PKD2: variants seen among roughly 807,000 people sequenced by gnomAD.
PKD2 encodes polycystin 2, transient receptor potential cation channel, also known as polycystin-2.
In PKD2, 48 loss-of-function variants were observed where a neutral mutation model predicts 105.9. That is an observed-to-expected ratio of 0.45 (90% CI 0.36 to 0.58). PKD2 has a LOEUF of 0.58. Ranked by LOEUF, PKD2 falls within the 20% of genes least tolerant of loss-of-function variation. The pLI is 0.00. For synonymous variants in PKD2, 464 were observed against 481.1 expected, an observed-to-expected ratio of 0.96 and a Z score of 0.46; for missense variants, 1,078 against 1,255.3, an observed-to-expected ratio of 0.86 and a Z score of 2.13.
At position 88,007,703 on chromosome 4, in the gene PKD2, C is replaced by T; in HGVS notation, c.-31C>T. 2.6e-6 allele frequency: 3 copies of T among 1,165,390 alleles called. No homozygotes were observed. The highest frequency in any genetic ancestry group is 3.2e-6 in the Non-Finnish European group (3 of 938,502). The allele number at this position is 1,165,390 out of a possible 1,614,324, so 72.2% of individuals were successfully genotyped here. On this transcript the variant is annotated 5_prime_UTR_variant, in exon 1 of 15. Coordinates refer to ENST00000237596, the MANE Select transcript of PKD2 (RefSeq NM_000297.4). ...GCGCACAGCGCCGAGCGCGGCGCCG[C>T]GCACCCGCGCGCCGGACGCCAGTGA...
chr4:88,008,769 C>T (rs76339981), intron 1 of PKD2, among the ~76,000 whole-genome samples: 1,548 of 152,180 alleles, frequency 0.01, 30 homozygotes, highest in African/African-American at 0.035. Flanking sequence ...CTTGCCTGGA[C>T]ACTCCATTGT....
At chr4:88,018,045 A>T (rs1485607894) in intron 1 of PKD2, among the ~76,000 whole-genome samples, 1 of 152,214 alleles carries the variant, frequency 6.6e-6, no homozygotes. Context: ...ATTTGTAATA[A>T]TTCTTTAATA....
At chr4:88,037,681 C>G (rs1727386603) in intron 3 of PKD2, among the ~76,000 whole-genome samples, 1 of 152,184 alleles carries the variant, frequency 6.6e-6, no homozygotes, top group Admixed American at 6.5e-5. Context: ...ATAGATCTGT[C>G]TTCCCTACAG....
chr4:88,056,388 A>T, intron 8 of PKD2, 121 bp downstream of exon 8: 1 of 664,794 alleles, frequency 1.5e-6, no homozygotes, highest in Non-Finnish European at 2.6e-6. Flanking sequence ...TATTTTAAGT[A>T]AGAATTAATT....
chr4:88,051,319 A>G (rs1478226412), intron 6 of PKD2, among the ~76,000 whole-genome samples: 1 of 152,098 alleles, frequency 6.6e-6, no homozygotes, highest in Non-Finnish European at 1.5e-5. Context: ...ACTCATTTTT[A>G]GGATATCTTT....
At chr4:88,041,206 A>G (rs755911536) in intron 4 of PKD2, among the ~76,000 whole-genome samples, 1 of 152,152 alleles carries the variant, frequency 6.6e-6, no homozygotes, top group Non-Finnish European at 1.5e-5. Context: ...TTTTTGAGCC[A>G]TGTTTCCTCC....
intron 1 of PKD2, among the ~76,000 whole-genome samples, chr4:88,015,240 A>G (rs571223556): frequency 6.6e-6 from 1 of 152,360 alleles, no homozygotes; most frequent in South Asian, 2.1e-4. Context: ...GGAGGTGAGC[A>G]GCAGGCTAGT....
chr4:88,038,271 G>T lies in PKD2; in HGVS notation c.864G>T (p.Leu288Phe), dbSNP rs1727413696. ...DFWKFTEGSLLDGLYWKMQPS... is the reference protein window; with the variant it reads ...DFWKFTEGSLFDGLYWKMQPS... Reference sequence around the variant, plus strand: ...TTTAGTTCACAGAAGGCTCCTTATTGGATGGGCTGTACTGGAAGATGCAGC... The same window carrying T: ...TTTAGTTCACAGAAGGCTCCTTATTTGATGGGCTGTACTGGAAGATGCAGC... Residue 288 changes from leucine to phenylalanine, a missense_variant, in exon 4 of 15, where the codon TTG (leucine) becomes TTT (phenylalanine). This residue lies in a region of PKD2 where 868 missense variants were observed against 1,067.3 expected (regional missense o/e 0.81). Transcript: ENST00000237596. 1.2e-6 allele frequency: 2 copies of T among 1,613,870 alleles called. No individual in the cohort carries two copies. The highest frequency in any genetic ancestry group is 1.7e-5 in the Admixed American group (1 of 59,998).
chr4:88,051,865 A>G (rs1720115703), intron 6 of PKD2, 126 bp from the exon 7 acceptor site: 1 of 613,668 alleles, frequency 1.6e-6, no homozygotes, highest in Non-Finnish European at 2.9e-6. Context: ...TAAGAATGAC[A>G]TCGGGTAAGT....
chr4:88,013,566 G>T (rs1369702799), intron 1 of PKD2, among the ~76,000 whole-genome samples: 1 of 152,158 alleles, frequency 6.6e-6, no homozygotes, highest in African/African-American at 2.4e-5. Context: ...GCCAGGCAGG[G>T]TGGCACATGC....
intron 7 of PKD2, among the ~76,000 whole-genome samples, chr4:88,055,134 A>T (rs1389232866): frequency 6.6e-6 from 1 of 152,158 alleles, no homozygotes; most frequent in Admixed American, 6.5e-5. Flanking sequence ...ATTTCTTTGC[A>T]GTCAGGCAGA....
intron 3 of PKD2, among the ~76,000 whole-genome samples, chr4:88,037,042 C>G (rs1169600548): frequency 6.6e-6 from 1 of 152,030 alleles, no homozygotes; most frequent in Non-Finnish European, 1.5e-5. Flanking sequence ...CAGCTGGGCA[C>G]AACATAGTAT....
intron 1 of PKD2, among the ~76,000 whole-genome samples, chr4:88,011,715 G>C (rs78207086): frequency 0.049 from 7,396 of 152,124 alleles, 215 homozygotes; most frequent in Admixed American, 0.095. Flanking sequence ...AAAAAGATTT[G>C]AACATGGCTT....
chr4:88,028,492 C>A (rs1160988645), intron 2 of PKD2, among the ~76,000 whole-genome samples: 2 of 152,204 alleles, frequency 1.3e-5, no homozygotes, highest in Admixed American at 1.3e-4. Flanking sequence ...GCTCCTCGCC[C>A]TTTCTGATAA....
At chr4:88,057,874 C>G in intron 8 of PKD2, 109 bp from the exon 9 acceptor site, 1 of 853,438 alleles carries the variant, frequency 1.2e-6, no homozygotes. Flanking sequence ...CGGCAGCTAC[C>G]TATACTGCTA....
At chr4:88,066,428 C>T (rs183782587) in intron 12 of PKD2, among the ~76,000 whole-genome samples, 192 of 147,600 alleles carry the variant, frequency 1.3e-3, no homozygotes, top group Admixed American at 5.7e-3. Context: ...GTGGCACAAT[C>T]GCGACTCACT....
At chr4:88,063,986 C>A (rs1221480232) in intron 10 of PKD2, among the ~76,000 whole-genome samples, 1 of 152,138 alleles carries the variant, frequency 6.6e-6, no homozygotes, top group East Asian at 1.9e-4. Context: ...GAAACCCCGT[C>A]TCTATTAAAA....
chr4:88,017,179 G>T (rs1039986080), intron 1 of PKD2, among the ~76,000 whole-genome samples: 5 of 151,998 alleles, frequency 3.3e-5, no homozygotes, highest in African/African-American at 1.2e-4. Context: ...AAAAAATGAG[G>T]CGGAAGGATG....
intron 1 of PKD2, among the ~76,000 whole-genome samples, chr4:88,011,843 A>T (rs1193771923): frequency 8.0e-6 from 1 of 124,702 alleles, no homozygotes; most frequent in Admixed American, 1.1e-4. Context: ...TTCAGAACTT[A>T]GTCTTATGTC....
Sources: allele counts gnomAD v4.1 joint callset (sites outside exome capture counted in the v4.1 genomes callset), GRCh38; gene constraint gnomAD v4.1.1; regional missense constraint gnomAD v4.1.1; transcripts MANE v1.5; gene names NCBI Gene and HGNC (gene_info 2026-07-23, HGNC 2026-07-21).